The following PRKCA variants were observed in gnomAD, a reference collection of about 807,000 sequenced individuals.
PRKCA encodes the protein protein kinase C alpha.
PRKCA carries 27 observed loss-of-function variants against 87.0 expected under a neutral mutation model. The observed-to-expected ratio is 0.31, with a 90% confidence interval of 0.23 to 0.43. The LOEUF (loss-of-function observed/expected upper bound fraction) is 0.43, where lower values mean the gene tolerates loss of function less well. Ranked by LOEUF, PRKCA falls within the 20% of genes least tolerant of loss-of-function variation. The pLI is 1.00. For missense variants in PRKCA, 518 were observed against 852.3 expected (o/e 0.61, Z 4.88); for synonymous variants, 329 against 311.1 (o/e 1.06, Z -0.61).
intron 3 of PRKCA, among the ~76,000 whole-genome samples, chr17:66,537,172 G>A (rs1967819834): frequency 6.6e-6 from 1 of 152,152 alleles, no homozygotes; most frequent in Non-Finnish European, 1.5e-5. Flanking sequence ...AGGTGGGGAG[G>A]AAAACCACGG....
At position 66,688,342 on chromosome 17, in the gene PRKCA, G is replaced by C; in HGVS notation, c.727G>C (p.Glu243Gln). Residue 243 changes from glutamate to glutamine, a missense_variant, in exon 7 of 17, where the codon GAA (glutamate) becomes CAA (glutamine). Glu to Gln is a conservative substitution (Grantham distance 29). This residue lies in a region of PRKCA where 300 missense variants were observed against 496.8 expected (regional missense o/e 0.60). Coordinates refer to ENST00000413366, the MANE Select transcript of PRKCA (RefSeq NM_002737.3). ...AGACAAAGACCGACGACTGTCTGTAGAAATCTGGGACTGGGATCGAACAAC... is the reference window on the plus strand; with the variant it reads ...AGACAAAGACCGACGACTGTCTGTACAAATCTGGGACTGGGATCGAACAAC... Reference protein sequence around the residue: ...PSDKDRRLSVEIWDWDRTTRN... With the variant: ...PSDKDRRLSVQIWDWDRTTRN... 1 of 1,614,204 alleles carries C rather than the reference G, an allele frequency of 6.2e-7. No homozygotes were observed. Among genetic ancestry groups the C allele is most frequent in the Non-Finnish European group, 8.5e-7 (1 of 1,180,034 alleles).
chr17:66,348,695 G>T (rs1488945254), intron 2 of PRKCA, among the ~76,000 whole-genome samples: 1 of 152,152 alleles, frequency 6.6e-6, no homozygotes, highest in East Asian at 1.9e-4. Context: ...TCTCTGTGTT[G>T]TGTTAAGATG....
chr17:66,385,813 C>T (rs797017882), intron 2 of PRKCA, among the ~76,000 whole-genome samples: 3 of 152,224 alleles, frequency 2.0e-5, no homozygotes, highest in East Asian at 3.9e-4. Flanking sequence ...GCCTAGGCTG[C>T]GTGGCGTGAT....
At chr17:66,735,688 T>C (rs1974006692) in intron 10 of PRKCA, 26 bp downstream of exon 10, 4 of 1,606,972 alleles carry the variant, frequency 2.5e-6, no homozygotes, top group South Asian at 1.1e-5. Context: ...ATCCCTGCGA[T>C]GCAGTACCCA....
chr17:66,481,457 A>G (rs1320780847), intron 2 of PRKCA, among the ~76,000 whole-genome samples: 2 of 151,986 alleles, frequency 1.3e-5, no homozygotes, highest in Non-Finnish European at 2.9e-5. Context: ...CTCCTTCCTG[A>G]TTTCATGTAA....
intron 3 of PRKCA, among the ~76,000 whole-genome samples, chr17:66,569,073 A>C (rs1968986424): frequency 6.6e-6 from 1 of 152,236 alleles, no homozygotes; most frequent in Non-Finnish European, 1.5e-5. Flanking sequence ...AAAACAATAA[A>C]TGTTCTAGAA....
chr17:66,542,667 T>TG (rs1968022998), intron 3 of PRKCA, among the ~76,000 whole-genome samples: 1 of 152,094 alleles, frequency 6.6e-6, no homozygotes, highest in South Asian at 2.1e-4. Context: ...CAAAGGCCTG[T>TG]GGAAGGATAT....
intron 13 of PRKCA, among the ~76,000 whole-genome samples, chr17:66,761,274 G>A (rs1974677071): frequency 2.0e-5 from 3 of 151,220 alleles, no homozygotes; most frequent in African/African-American, 7.3e-5. Context: ...GGAGCCTGAG[G>A]CAGGAGAATC....
intron 3 of PRKCA, among the ~76,000 whole-genome samples, chr17:66,505,169 A>C (rs1466832241): frequency 1.3e-5 from 2 of 152,186 alleles, no homozygotes; most frequent in African/African-American, 4.8e-5. Flanking sequence ...ATTTCCTACA[A>C]GGGAAGGGAC....
chr17:66,408,570 C>T (rs1205989071), intron 2 of PRKCA, among the ~76,000 whole-genome samples: 1 of 152,146 alleles, frequency 6.6e-6, no homozygotes, highest in East Asian at 1.9e-4. Context: ...TCTTCTGTTA[C>T]CTTATGCGTT....
At position 66,554,880 on chromosome 17, in the gene PRKCA, C is replaced by CTTTTTT. The variant is rs565435672; in HGVS notation, c.288+58608_288+58613dup. Among the ~76,000 whole-genome samples the CTTTTTT allele has an allele frequency of 2.0e-3, 272 of 138,524 alleles. 2 individuals are homozygous for CTTTTTT. The highest frequency in any genetic ancestry group is 3.2e-3 in the Admixed American group (44 of 13,554). The allele number at this position is 138,524 out of a possible 152,430, so 90.9% of individuals were successfully genotyped here. A position where few individuals can be genotyped will look rare whatever the true frequency, so the allele number is the denominator to read the frequency against. On this transcript the variant is annotated intron_variant, in intron 3 of 16. Coordinates refer to ENST00000413366, the MANE Select transcript of PRKCA (RefSeq NM_002737.3). ...TGTCACCTTAAGTAGATTGTAAATT[C>CTTTTTT]TTTTTTTTTTTTTTTTAAAGACAGG...
At chr17:66,702,712 A>G (rs1385284383) in intron 8 of PRKCA, among the ~76,000 whole-genome samples, 1 of 152,204 alleles carries the variant, frequency 6.6e-6, no homozygotes, top group East Asian at 1.9e-4. Flanking sequence ...TTTGTTAGTC[A>G]TGCCTCTATA....
At chr17:66,781,758 A>G (rs1238110559) in intron 14 of PRKCA, among the ~76,000 whole-genome samples, 1 of 151,930 alleles carries the variant, frequency 6.6e-6, no homozygotes, top group African/African-American at 2.4e-5. Flanking sequence ...AAAGTTCTGG[A>G]GATGGCCAGT....
chr17:66,561,906 T>C (rs1205175039), intron 3 of PRKCA, among the ~76,000 whole-genome samples: 2 of 151,666 alleles, frequency 1.3e-5, no homozygotes, highest in Non-Finnish European at 2.9e-5. Context: ...GAAGGAGGAA[T>C]GTTAATGGGT....
chr17:66,649,376 G>A (rs948924400), intron 5 of PRKCA, among the ~76,000 whole-genome samples: 5 of 152,202 alleles, frequency 3.3e-5, no homozygotes, highest in Non-Finnish European at 5.9e-5. Flanking sequence ...TTGAGTGCTT[G>A]CTCTATATTT....
intron 13 of PRKCA, among the ~76,000 whole-genome samples, chr17:66,746,154 CTTTTTTTTTT>C (rs56319847): frequency 1.6e-5 from 1 of 64,210 alleles, no homozygotes; most frequent in Non-Finnish European, 2.8e-5. Context: ...TGTTGCCTTG[CTTTTTTTTTT>C]TTTTTTTTTT....
At chr17:66,505,847 C>CTTAT (rs1352558359) in intron 3 of PRKCA, among the ~76,000 whole-genome samples, 2 of 137,450 alleles carry the variant, frequency 1.5e-5, no homozygotes, top group South Asian at 2.4e-4. Context: ...ATTTAATATG[C>CTTAT]TTATTTATTT....
chr17:66,450,961 A>G (rs1914281098), intron 2 of PRKCA, among the ~76,000 whole-genome samples: 1 of 152,226 alleles, frequency 6.6e-6, no homozygotes, highest in Non-Finnish European at 1.5e-5. Context: ...GCTGAAAGTA[A>G]CATGACCTGC....
At chr17:66,449,027 G>A in intron 2 of PRKCA, among the ~76,000 whole-genome samples, 1 of 149,164 alleles carries the variant, frequency 6.7e-6, no homozygotes, top group Non-Finnish European at 1.5e-5. Flanking sequence ...GCTCATGCCT[G>A]TAATCCTAGC....
Sources: allele counts gnomAD v4.1 joint callset (sites outside exome capture counted in the v4.1 genomes callset), GRCh38; gene constraint gnomAD v4.1.1; regional missense constraint gnomAD v4.1.1; transcripts MANE v1.5; gene names NCBI Gene and HGNC (gene_info 2026-07-23, HGNC 2026-07-21).